Variants in PCDH7 observed in about 807,000 individuals in gnomAD.
PCDH7 encodes protocadherin-7.
PCDH7 carries 17 observed loss-of-function variants against 58.9 expected under a neutral mutation model. The observed-to-expected ratio is 0.29, with a 90% CI of 0.20 to 0.43. The LOEUF (loss-of-function observed/expected upper bound fraction) is 0.43, where lower values mean the gene tolerates loss of function less well. Ranked by LOEUF, PCDH7 falls within the 20% of genes least tolerant of loss-of-function variation. PCDH7 has a pLI of 1.00. For missense variants in PCDH7, 1,274 were observed against 1,441.0 expected (o/e 0.88, Z 1.88); for synonymous variants, 664 against 616.4 (o/e 1.08, Z -1.14).
intron 1 of PCDH7, among the ~76,000 whole-genome samples, chr4:30,850,860 A>G (rs201657166): frequency 7.4e-4 from 112 of 152,090 alleles, no homozygotes; most frequent in African/African-American, 1.9e-3. Flanking sequence ...CCCAACATCA[A>G]CTGCCACTGT....
At chr4:30,795,200 C>T (rs541754707) in intron 1 of PCDH7, among the ~76,000 whole-genome samples, 12 of 152,062 alleles carry the variant, frequency 7.9e-5, no homozygotes, top group Admixed American at 6.6e-4. Flanking sequence ...AGGCTGGACT[C>T]GAACTCCTGG....
At chr4:30,739,137 A>AT (rs992788634) in intron 1 of PCDH7, among the ~76,000 whole-genome samples, 3 of 146,568 alleles carry the variant, frequency 2.0e-5, no homozygotes, top group Admixed American at 6.9e-5. Flanking sequence ...TATATATAAA[A>AT]ATATATATAT....
intron 3 of PCDH7, among the ~76,000 whole-genome samples, chr4:30,976,334 G>C (rs564030423): frequency 6.7e-6 from 1 of 148,870 alleles, no homozygotes; most frequent in Admixed American, 6.7e-5. Flanking sequence ...CTGGTGATCC[G>C]CCCACCTCAG....
chr4:31,031,279 G>A (rs559793946), intron 3 of PCDH7, among the ~76,000 whole-genome samples: 6 of 152,256 alleles, frequency 3.9e-5, no homozygotes, highest in African/African-American at 1.4e-4. Flanking sequence ...ACAACAACGG[G>A]GATGCAACTG....
At chr4:30,814,985 G>T (rs1362569533) in intron 1 of PCDH7, among the ~76,000 whole-genome samples, 1 of 152,032 alleles carries the variant, frequency 6.6e-6, no homozygotes, top group Non-Finnish European at 1.5e-5. Flanking sequence ...TGGGCTCAAA[G>T]AGTACAGCTT....
At chr4:30,746,396 C>A (rs1717784012) in intron 1 of PCDH7, among the ~76,000 whole-genome samples, 1 of 152,090 alleles carries the variant, frequency 6.6e-6, no homozygotes, top group Admixed American at 6.6e-5. Flanking sequence ...GGTTGTAAGG[C>A]CCTGCAGCGT....
At chr4:30,771,168 C>G (rs987457116) in intron 1 of PCDH7, among the ~76,000 whole-genome samples, 2 of 152,148 alleles carry the variant, frequency 1.3e-5, no homozygotes, top group African/African-American at 4.8e-5. Context: ...CTCCACATTT[C>G]TTGTTTTTAA....
intron 1 of PCDH7, among the ~76,000 whole-genome samples, chr4:30,890,146 T>C (rs1285398910): frequency 6.6e-6 from 1 of 152,142 alleles, no homozygotes; most frequent in African/African-American, 2.4e-5. Flanking sequence ...ATTAGTAGGC[T>C]TTCAGAAATA....
At chr4:30,833,441 G>T (rs756702484) in intron 1 of PCDH7, among the ~76,000 whole-genome samples, 26 of 152,170 alleles carry the variant, frequency 1.7e-4, no homozygotes, top group Middle Eastern at 3.4e-3. Context: ...TGACTCTTCC[G>T]CCTTCTGCTT....
chr4:30,861,138 T>C (rs886855074), intron 1 of PCDH7, among the ~76,000 whole-genome samples: 7 of 152,192 alleles, frequency 4.6e-5, no homozygotes, highest in Non-Finnish European at 8.8e-5. Context: ...ATCAGCTGTA[T>C]TACATGACAG....
At chr4:30,883,890 T>C (rs1560465769) in intron 1 of PCDH7, among the ~76,000 whole-genome samples, 1 of 152,196 alleles carries the variant, frequency 6.6e-6, no homozygotes, top group East Asian at 1.9e-4. Flanking sequence ...AAAACACTTC[T>C]TGTGGAGTTG....
At chr4:30,910,484 C>G (rs1741584514) in intron 1 of PCDH7, among the ~76,000 whole-genome samples, 1 of 151,896 alleles carries the variant, frequency 6.6e-6, no homozygotes, top group African/African-American at 2.4e-5. Flanking sequence ...AATGCAACCC[C>G]GTTAAAAAGT....
intron 3 of PCDH7, among the ~76,000 whole-genome samples, chr4:31,128,675 G>T (rs1409598027): frequency 6.6e-6 from 1 of 152,092 alleles, no homozygotes; most frequent in Non-Finnish European, 1.5e-5. Flanking sequence ...GTATTTCCTT[G>T]TGACCACTAA....
chr4:30,840,901 T>A (rs971594350), intron 1 of PCDH7, among the ~76,000 whole-genome samples: 3 of 152,078 alleles, frequency 2.0e-5, no homozygotes, highest in Non-Finnish European at 4.4e-5. Context: ...CTTTTTTTTT[T>A]TCTGCAAAAC....
chr4:31,075,737 C>A (rs1032748906), intron 3 of PCDH7, among the ~76,000 whole-genome samples: 1 of 152,140 alleles, frequency 6.6e-6, no homozygotes, highest in East Asian at 1.9e-4. Flanking sequence ...ACATCTATAA[C>A]CACCTTAAAT....
chr4:31,018,948 G>C (rs1753816411), intron 3 of PCDH7, among the ~76,000 whole-genome samples: 1 of 152,158 alleles, frequency 6.6e-6, no homozygotes, highest in Admixed American at 6.5e-5. Context: ...ATGGTATACA[G>C]TGTCATTAAA....
chr4:30,952,609 G>GA (rs1398161233), intron 3 of PCDH7, among the ~76,000 whole-genome samples: 5 of 151,952 alleles, frequency 3.3e-5, no homozygotes, highest in Admixed American at 1.3e-4. Flanking sequence ...AATTGGGAGG[G>GA]AAAAAATCAA....
intron 1 of PCDH7, among the ~76,000 whole-genome samples, chr4:30,899,100 A>G (rs897623406): frequency 1.3e-5 from 2 of 152,170 alleles, no homozygotes; most frequent in Non-Finnish European, 2.9e-5. Context: ...GTGTGTGTTT[A>G]TAGGATAGGA....
intron 1 of PCDH7, among the ~76,000 whole-genome samples, chr4:30,842,600 T>C (rs561496538): frequency 6.6e-6 from 1 of 152,258 alleles, no homozygotes; most frequent in East Asian, 1.9e-4. Flanking sequence ...GAATTAATGA[T>C]GAAAGTTATA....
Sources: allele counts gnomAD v4.1 joint callset (sites outside exome capture counted in the v4.1 genomes callset), GRCh38; gene constraint gnomAD v4.1.1; transcripts MANE v1.5; gene names NCBI Gene and HGNC (gene_info 2026-07-23, HGNC 2026-07-21).